The following WBP1L variants were observed in gnomAD, a reference collection of about 807,000 sequenced individuals.
WBP1L encodes the protein WW domain binding protein 1 like, also known as WW domain binding protein 1-like.
Under a neutral mutation model 33.7 loss-of-function variants are expected in WBP1L, and 17 were observed. That is an observed-to-expected ratio of 0.50 (90% CI 0.34 to 0.76). The LOEUF (loss-of-function observed/expected upper bound fraction) is 0.76, where lower values mean the gene tolerates loss of function less well. Among genes scored for constraint, WBP1L ranks in the 30% least tolerant of loss-of-function variants. WBP1L has a pLI of 0.01. For synonymous variants in WBP1L, 173 were observed against 190.8 expected, an observed-to-expected ratio of 0.91 and a Z score of 0.77; for missense variants, 389 against 469.4, an observed-to-expected ratio of 0.83 and a Z score of 1.58.
At chr10:102,789,944 TA>T (rs1423218750) in intron 1 of WBP1L, among the ~76,000 whole-genome samples, 1 of 152,026 alleles carries the variant, frequency 6.6e-6, no homozygotes, top group Non-Finnish European at 1.5e-5. Context: ...TTCACAGTGT[TA>T]GCCAGGATGG....
chr10:102,787,205 C>T (rs1441767094), intron 1 of WBP1L, among the ~76,000 whole-genome samples: 1 of 152,192 alleles, frequency 6.6e-6, no homozygotes, highest in Non-Finnish European at 1.5e-5. Context: ...TGAGTAAGCT[C>T]TTTTAGCCAA....
At chr10:102,775,373 C>T (rs1590176477) in intron 1 of WBP1L, among the ~76,000 whole-genome samples, 1 of 152,148 alleles carries the variant, frequency 6.6e-6, no homozygotes. Flanking sequence ...AGGGCCCTTG[C>T]TTGTGCAAAG....
chr10:102,786,459 C>T (rs901531155), intron 1 of WBP1L, among the ~76,000 whole-genome samples: 3 of 152,110 alleles, frequency 2.0e-5, no homozygotes, highest in Admixed American at 1.3e-4. Context: ...TTTTAAAAGG[C>T]GGATTTTCAG....
chr10:102,813,462 C>A lies in WBP1L; in HGVS notation c.*131C>A. Reference sequence around the variant, plus strand: ...TGGTTCCTTTTTGTTTGTTTTCCTTCTCCTCTCCTGCATTTTCCTCCATCT... The same window carrying A: ...TGGTTCCTTTTTGTTTGTTTTCCTTATCCTCTCCTGCATTTTCCTCCATCT... On this transcript the variant is annotated 3_prime_UTR_variant, in exon 4 of 4. Transcript: ENST00000448841. The A allele has an allele frequency of 1.6e-6, 2 of 1,261,312 alleles. No homozygotes were observed. The highest frequency in any genetic ancestry group is 2.1e-6 in the Non-Finnish European group (2 of 939,400). The allele number at this position is 1,261,312 out of a possible 1,614,324, so 78.1% of individuals were successfully genotyped here. A position where few individuals can be genotyped will look rare whatever the true frequency, so the allele number is the denominator to read the frequency against.
chr10:102,759,877 T>C (rs1156707028), intron 1 of WBP1L, among the ~76,000 whole-genome samples: 1 of 152,218 alleles, frequency 6.6e-6, no homozygotes, highest in Non-Finnish European at 1.5e-5. Context: ...ATCTTGGGTA[T>C]ATACCTAGTA....
intron 1 of WBP1L, among the ~76,000 whole-genome samples, chr10:102,773,242 A>G (rs552173408): frequency 1.3e-5 from 2 of 152,256 alleles, no homozygotes; most frequent in South Asian, 4.1e-4. Flanking sequence ...CTCACCCCTC[A>G]GATATCAGCG....
At chr10:102,759,652 T>G (rs1207971941) in intron 1 of WBP1L, among the ~76,000 whole-genome samples, 2 of 152,132 alleles carry the variant, frequency 1.3e-5, no homozygotes, top group East Asian at 3.8e-4. Context: ...GGTGTACAAG[T>G]TTTTTTGTTT....
intron 2 of WBP1L, among the ~76,000 whole-genome samples, chr10:102,800,279 G>A (rs1590189520): frequency 1.3e-5 from 2 of 152,334 alleles, no homozygotes; most frequent in South Asian, 2.1e-4. Context: ...CTGGCCAGGC[G>A]GCATCAGTTG....
intron 2 of WBP1L, among the ~76,000 whole-genome samples, chr10:102,800,621 C>T (rs1843642948): frequency 1.3e-5 from 2 of 152,196 alleles, no homozygotes; most frequent in Non-Finnish European, 2.9e-5. Flanking sequence ...GTGTTTTCCA[C>T]GTTCTGGAGG....
intron 2 of WBP1L, among the ~76,000 whole-genome samples, chr10:102,808,100 G>A (rs1175614708): frequency 3.9e-5 from 6 of 151,954 alleles, no homozygotes; most frequent in African/African-American, 4.8e-5. Flanking sequence ...GACAGCTTGC[G>A]CCCAGAAGGT....
chr10:102,747,726 C>T (rs1326264627), intron 1 of WBP1L, among the ~76,000 whole-genome samples: 1 of 152,080 alleles, frequency 6.6e-6, no homozygotes, highest in African/African-American at 2.4e-5. Context: ...TGGGGTTTCG[C>T]CATGTTGCCC....
intron 1 of WBP1L, among the ~76,000 whole-genome samples, chr10:102,786,242 T>G (rs900012363): frequency 7.2e-5 from 11 of 152,220 alleles, no homozygotes; most frequent in Non-Finnish European, 1.5e-4. Flanking sequence ...TTTAATGGAA[T>G]GAGGCATAGA....
At chr10:102,751,050 G>C (rs1842919755) in intron 1 of WBP1L, among the ~76,000 whole-genome samples, 1 of 151,608 alleles carries the variant, frequency 6.6e-6, no homozygotes. Flanking sequence ...ACCCAGGCTG[G>C]AGTGCAGTGG....
chr10:102,797,879 T>C, intron 1 of WBP1L, 114 bp from the exon 2 acceptor site: 2 of 957,262 alleles, frequency 2.1e-6, no homozygotes, highest in Non-Finnish European at 3.1e-6. Context: ...GGAATAAACA[T>C]TGATACAAAC....
At chr10:102,769,709 G>A (rs921945750) in intron 1 of WBP1L, among the ~76,000 whole-genome samples, 7 of 152,206 alleles carry the variant, frequency 4.6e-5, no homozygotes, top group African/African-American at 1.7e-4. Flanking sequence ...CCTATTAGGT[G>A]TGTGTCCTTG....
At chr10:102,745,167 CTTGTG>C (rs1842851287) in intron 1 of WBP1L, among the ~76,000 whole-genome samples, 1 of 152,226 alleles carries the variant, frequency 6.6e-6, no homozygotes, top group African/African-American at 2.4e-5. Context: ...AGCGCTTGAA[CTTGTG>C]TTGTGAACAA....
Position 102,813,022 on chromosome 10 carries a change from T to C in WBP1L, c.783T>C (p.Pro261=), listed in dbSNP as rs542529591. Residue 261 remains proline, a synonymous_variant, in exon 4 of 4, where the codon CCT becomes CCC. Transcript: ENST00000448841. ...CACCCGACAGCAAAGAGAAGACGCC[T>C]GGGAGACATCGCCGCTTCACAGGTG... ...HGAPDSKEKT[P]GRHRRFTGDS... 6.2e-7 allele frequency: 1 copy of C among 1,613,702 alleles called. No homozygotes were observed. The highest frequency in any genetic ancestry group is 2.2e-5 in the East Asian group (1 of 44,876).
intron 1 of WBP1L, among the ~76,000 whole-genome samples, chr10:102,759,112 G>A (rs1047502801): frequency 5.3e-5 from 8 of 152,174 alleles, no homozygotes; most frequent in Admixed American, 6.5e-5. Flanking sequence ...TCCACAAGAA[G>A]CTGGTGGAGC....
chr10:102,753,876 A>G (rs926454073), intron 1 of WBP1L, among the ~76,000 whole-genome samples: 3 of 152,270 alleles, frequency 2.0e-5, no homozygotes, highest in Non-Finnish European at 4.4e-5. Flanking sequence ...TTAAATATCT[A>G]GCAAGACAAA....
Sources: gnomAD v4.1 joint callset for allele counts (sites outside exome capture counted in the v4.1 genomes callset) on GRCh38, gnomAD v4.1.1 for gene constraint, MANE v1.5 for transcripts, NCBI Gene and HGNC (gene_info 2026-07-23, HGNC 2026-07-21) for gene names.